MEF2C: variants seen among roughly 807,000 people sequenced by gnomAD.
MEF2C encodes the protein myocyte-specific enhancer factor 2C.
A neutral mutation model predicts 50.5 loss-of-function variants in MEF2C; 6 were observed. The observed-to-expected ratio is 0.12, with a 90% confidence interval of 0.07 to 0.23. The LOEUF (loss-of-function observed/expected upper bound fraction) is 0.23. MEF2C is among the 10% of genes least tolerant of loss of function. MEF2C has a pLI of 1.00. For missense variants in MEF2C, 276 were observed against 605.0 expected (o/e 0.46, Z 5.70); for synonymous variants, 183 against 228.0 (o/e 0.80, Z 1.78).
At chr5:88,784,681 C>T (rs1433298961) in intron 3 of MEF2C, among the ~76,000 whole-genome samples, 1 of 152,094 alleles carries the variant, frequency 6.6e-6, no homozygotes, top group Non-Finnish European at 1.5e-5. Context: ...GTAATAATTT[C>T]CCAAACTGAA....
chr5:88,861,410 GA>G (rs1825461804), intron 1 of MEF2C, among the ~76,000 whole-genome samples: 1 of 152,292 alleles, frequency 6.6e-6, no homozygotes, highest in African/African-American at 2.4e-5. Context: ...AAAACTCTTA[GA>G]AACATAACCA....
At chr5:88,842,618 TAAAG>T (rs1010097931) in intron 1 of MEF2C, among the ~76,000 whole-genome samples, 2 of 151,618 alleles carry the variant, frequency 1.3e-5, no homozygotes, top group African/African-American at 4.8e-5. Flanking sequence ...TTACAGTAAA[TAAAG>T]AAATGGGAAA....
At position 88,720,795 on chromosome 5, in the gene MEF2C, T is replaced by A. The variant is rs368977333; in HGVS notation, c.*1809A>T. 2 of 147,968 alleles carry A rather than the reference T, an allele frequency of 1.4e-5. No homozygotes were observed. The highest frequency in any genetic ancestry group is 3.0e-5 in the Non-Finnish European group (2 of 66,208). 9.2% of individuals were successfully genotyped at this position (147,968 alleles called of 1,614,324 possible). A position where few individuals can be genotyped will look rare whatever the true frequency, so the allele number is the denominator to read the frequency against. On this transcript the variant is annotated 3_prime_UTR_variant, in exon 11 of 11. Coordinates refer to ENST00000504921, the MANE Select transcript of MEF2C (RefSeq NM_002397.5). ...AATATTAGACAAGAGTCATTTTTTTTAAATTAAAAAAAGGGACATAGAGAG... is the reference window on the plus strand; with the variant it reads ...AATATTAGACAAGAGTCATTTTTTTAAAATTAAAAAAAGGGACATAGAGAG...
intron 2 of MEF2C, among the ~76,000 whole-genome samples, chr5:88,813,593 A>G (rs1260644626): frequency 6.6e-6 from 1 of 152,020 alleles, no homozygotes; most frequent in African/African-American, 2.4e-5. Context: ...AGCTACTCAC[A>G]TCTATAATAA....
chr5:88,730,163 A>G (rs1473796340), intron 8 of MEF2C, 48 bp downstream of exon 8: 3 of 1,557,536 alleles, frequency 1.9e-6, no homozygotes, highest in Non-Finnish European at 2.6e-6. Flanking sequence ...CCTCTACCTA[A>G]AAGTAGCTTT....
At chr5:88,771,712 A>G in intron 3 of MEF2C, 1 of 592,668 alleles carries the variant, frequency 1.7e-6, no homozygotes, top group Non-Finnish European at 2.1e-6. Context: ...GACAGACACT[A>G]ATTCAAATGA....
At chr5:88,797,986 G>C (rs1796712420) in intron 3 of MEF2C, among the ~76,000 whole-genome samples, 1 of 152,204 alleles carries the variant, frequency 6.6e-6, no homozygotes, top group Non-Finnish European at 1.5e-5. Context: ...ATTCTCTTCT[G>C]GCTTGTAGGG....
chr5:88,886,338 AATC>A (rs1255113398), upstream of MEF2C, among the ~76,000 whole-genome samples: 3 of 152,152 alleles, frequency 2.0e-5, no homozygotes, highest in African/African-American at 4.8e-5. Context: ...TTTTCTTTAA[AATC>A]ATCCTGATCC....
chr5:88,852,921 A>T (rs1821918042), intron 1 of MEF2C, among the ~76,000 whole-genome samples: 1 of 152,136 alleles, frequency 6.6e-6, no homozygotes, highest in South Asian at 2.1e-4. Flanking sequence ...TCTCAAAAAA[A>T]AAAAAAAAGA....
intron 1 of MEF2C, among the ~76,000 whole-genome samples, chr5:88,859,300 T>C (rs1170820097): frequency 6.6e-6 from 1 of 152,194 alleles, no homozygotes; most frequent in Non-Finnish European, 1.5e-5. Flanking sequence ...GGGAACATAA[T>C]GGTATGTTAG....
intron 1 of MEF2C, chr5:88,892,215 C>T (rs1362935444): frequency 2.0e-5 from 3 of 152,120 alleles, no homozygotes; most frequent in Non-Finnish European, 2.9e-5. Flanking sequence ...GGCTGACAAC[C>T]GAGAAGGCTG....
At chr5:88,765,062 G>T (rs1779453908) in intron 3 of MEF2C, among the ~76,000 whole-genome samples, 1 of 152,094 alleles carries the variant, frequency 6.6e-6, no homozygotes, top group Non-Finnish European at 1.5e-5. Context: ...GAGTCACAAA[G>T]GAAATGGCAG....
At chr5:88,788,828 T>C (rs913576174) in intron 3 of MEF2C, among the ~76,000 whole-genome samples, 1 of 152,178 alleles carries the variant, frequency 6.6e-6, no homozygotes, top group Admixed American at 6.6e-5. Context: ...ATAGTATAGG[T>C]GCTAAATATA....
intron 3 of MEF2C, among the ~76,000 whole-genome samples, chr5:88,803,664 T>TTGGTATATTAAGACTAC (rs1799257854): frequency 1.3e-5 from 2 of 152,226 alleles, no homozygotes; most frequent in Non-Finnish European, 2.9e-5. Context: ...CTTTGTTTTG[T>TTGGTATATTAAGACTAC]AGTCTTAATC....
At chr5:88,899,308 T>C (rs771161300) in intron 1 of MEF2C, among the ~76,000 whole-genome samples, 2 of 152,258 alleles carry the variant, frequency 1.3e-5, no homozygotes, top group East Asian at 3.9e-4. Flanking sequence ...GGGCTACTTA[T>C]AGCAATAGGG....
Position 88,804,820 on chromosome 5 carries a change from C to G in MEF2C, c.55-19G>C. The G allele has an allele frequency of 6.2e-7, 1 of 1,603,750 alleles. No homozygotes were observed. Among genetic ancestry groups the G allele is most frequent in the Non-Finnish European group, 8.5e-7 (1 of 1,172,604 alleles). On this transcript the variant is annotated intron_variant, in intron 2 of 10. Transcript: ENST00000504921. ...ATGTCACCTAGAAAAAAGAAAGCAG[C>G]CAAGATTTTTTAAAAAATATTCATG...
chr5:88,831,710 TA>T (rs1346445469), intron 1 of MEF2C, among the ~76,000 whole-genome samples: 7 of 152,104 alleles, frequency 4.6e-5, no homozygotes, highest in Admixed American at 6.6e-5. Context: ...TCTCAAAATA[TA>T]TATGATATTG....
At chr5:88,781,850 G>A (rs1360003382) in intron 3 of MEF2C, among the ~76,000 whole-genome samples, 1 of 152,138 alleles carries the variant, frequency 6.6e-6, no homozygotes, top group African/African-American at 2.4e-5. Flanking sequence ...GCACATGCCT[G>A]TAGTCCCAGC....
rs533059084 is a variant in MEF2C at position 88,756,508 on chromosome 5, A to G, written c.403-4465T>C. ...GCACACTGAGAAGATATTTTAGAGAATCAGAATAAACACTAGCCTTTCTAT... is the reference window on the plus strand; with the variant it reads ...GCACACTGAGAAGATATTTTAGAGAGTCAGAATAAACACTAGCCTTTCTAT... On this transcript the variant is annotated intron_variant, in intron 4 of 10. Transcript: ENST00000504921. Among the ~76,000 whole-genome samples, 4 of 152,346 alleles carry G rather than the reference A, an allele frequency of 2.6e-5. No individual in the cohort carries two copies. The South Asian group carries it at 8.3e-4, about 32-fold the overall frequency.
Sources: gnomAD v4.1 joint callset for allele counts (sites outside exome capture counted in the v4.1 genomes callset) on GRCh38, gnomAD v4.1.1 for gene constraint, MANE v1.5 for transcripts, NCBI Gene and HGNC (gene_info 2026-07-23, HGNC 2026-07-21) for gene names.